The following AFF2 variants were observed in gnomAD, a reference collection of about 807,000 sequenced individuals.
AFF2 encodes AF4/FMR2 family member 2.
Under a neutral mutation model 76.9 loss-of-function variants are expected in AFF2, and 14 were observed. The ratio of observed to expected loss-of-function variants is 0.18; its 90% confidence interval spans 0.12 to 0.28. The LOEUF (loss-of-function observed/expected upper bound fraction) is 0.28, where lower values mean the gene tolerates loss of function less well. Among genes scored for constraint, AFF2 ranks in the 10% least tolerant of loss-of-function variants. AFF2 has a pLI of 1.00. For missense variants in AFF2, 868 were observed against 1,001.1 expected, an observed-to-expected ratio of 0.87 and a Z score of 1.79; for synonymous variants, 398 against 366.7, an observed-to-expected ratio of 1.09 and a Z score of -0.98.
At chrX:148,684,393 C>T (rs1253922374) in intron 3 of AFF2, among the ~76,000 whole-genome samples, 4 of 112,245 alleles carry the variant, frequency 3.6e-5, no homozygotes, top group Admixed American at 9.5e-5. Flanking sequence ...TTTGTACCTT[C>T]AGCTTCAAAT....
At chrX:148,970,414 T>C (rs1196693547) in intron 15 of AFF2, among the ~76,000 whole-genome samples, 1 of 112,375 alleles carries the variant, frequency 8.9e-6, no homozygotes, top group Non-Finnish European at 1.9e-5. Flanking sequence ...GAAAATATTT[T>C]GATAAAAGGT....
chrX:148,628,249 G>A (rs1476991854), intron 1 of AFF2, among the ~76,000 whole-genome samples: 1 of 110,156 alleles, frequency 9.1e-6, no homozygotes, highest in Non-Finnish European at 1.9e-5. Context: ...GGTTAAAATG[G>A]CAAATTTTCT....
intron 3 of AFF2, among the ~76,000 whole-genome samples, chrX:148,795,451 C>T (rs2069955115): frequency 9.1e-6 from 1 of 109,622 alleles, no homozygotes; most frequent in Non-Finnish European, 1.9e-5. Context: ...CTTTCCTTTT[C>T]AGCATAGATT....
At chrX:148,670,730 T>A in intron 3 of AFF2, among the ~76,000 whole-genome samples, 1 of 112,056 alleles carries the variant, frequency 8.9e-6, no homozygotes, top group East Asian at 2.8e-4. Context: ...GTTCTCTACT[T>A]CCCTACAAGA....
intron 1 of AFF2, among the ~76,000 whole-genome samples, chrX:148,568,337 C>T (rs2053191543): frequency 9.0e-6 from 1 of 111,641 alleles, no homozygotes; most frequent in Admixed American, 9.5e-5. Context: ...TGTCTACTTC[C>T]ATAAAATCTT....
chrX:148,684,461 T>G (rs2054580921), intron 3 of AFF2, among the ~76,000 whole-genome samples: 1 of 112,285 alleles, frequency 8.9e-6, no homozygotes, highest in Non-Finnish European at 1.9e-5. Context: ...GAAAATGTGA[T>G]ACATTTCTTC....
chrX:148,658,411 T>C (rs1301574931), intron 2 of AFF2, among the ~76,000 whole-genome samples: 1 of 111,794 alleles, frequency 8.9e-6, no homozygotes, highest in Non-Finnish European at 1.9e-5. Flanking sequence ...GGAGATGACA[T>C]CCCTCTATTT....
In AFF2 at chrX:148,602,902, G is replaced by C. The variant is rs538824247; in HGVS notation, c.48-49097G>C. On this transcript the variant is annotated intron_variant, in intron 1 of 20. Transcript: ENST00000370460. Reference sequence around the variant, plus strand: ...GCACAGTGCATCATAAATAATAAATGCTTAGTAGATAATTACAAAGGAGTC... The same window carrying C: ...GCACAGTGCATCATAAATAATAAATCCTTAGTAGATAATTACAAAGGAGTC... Among the ~76,000 whole-genome samples, 104 of 109,903 alleles carry C rather than the reference G, an allele frequency of 9.5e-4. 1 individual carries two copies. The highest frequency in any genetic ancestry group is 1.2e-3 in the Non-Finnish European group (65 of 52,681).
At chrX:148,780,203 G>T (rs1285551074) in intron 3 of AFF2, among the ~76,000 whole-genome samples, 2 of 111,619 alleles carry the variant, frequency 1.8e-5, no homozygotes, top group African/African-American at 6.5e-5. Flanking sequence ...TTCAACCTTG[G>T]TGAATCTGAT....
At chrX:148,585,859 AAAAAG>A (rs1205264146) in intron 1 of AFF2, among the ~76,000 whole-genome samples, 2 of 32,113 alleles carry the variant, frequency 6.2e-5, no homozygotes, top group Non-Finnish European at 1.5e-4. Context: ...AAAAAAAAAG[AAAAAG>A]AAAAGACTGA....
intron 13 of AFF2, 33 bp from the exon 14 acceptor site, chrX:148,966,757 C>T (rs145031526): frequency 1.7e-6 from 2 of 1,201,479 alleles, no homozygotes; most frequent in East Asian, 6.0e-5. Context: ...AAAGCTGGAC[C>T]TAATGGAAAC....
intron 3 of AFF2, among the ~76,000 whole-genome samples, chrX:148,765,065 A>T (rs2069496566): frequency 9.0e-6 from 1 of 110,783 alleles, no homozygotes; most frequent in Non-Finnish European, 1.9e-5. Context: ...TTATTTATAG[A>T]GATGGGCTTT....
chrX:148,977,868 A>G (rs2072345931), intron 16 of AFF2, 65 bp from the exon 17 acceptor site: 4 of 808,868 alleles, frequency 4.9e-6, no homozygotes, highest in Middle Eastern at 2.8e-4. Flanking sequence ...TCAGAATACC[A>G]GTGACTTTAG....
chrX:148,526,131 G>A (rs2052655630), intron 1 of AFF2, among the ~76,000 whole-genome samples: 2 of 111,550 alleles, frequency 1.8e-5, no homozygotes, highest in Non-Finnish European at 3.8e-5. Flanking sequence ...AAAAAACTTG[G>A]CACTCCACTA....
chrX:148,852,725 C>T (rs1557275513), intron 7 of AFF2, among the ~76,000 whole-genome samples: 1 of 111,556 alleles, frequency 9.0e-6, no homozygotes, highest in African/African-American at 3.3e-5. Context: ...ACAGCAACCT[C>T]GTGAGATAGA....
In AFF2 at chrX:148,997,018, T is replaced by G. The variant is rs782106038; in HGVS notation, c.*5686T>G. Reference sequence around the variant, plus strand: ...TTTATGTGACGTGGAAACTCAGTAATTCTCCCACCTTCACATTGTTGTTCA... The same window carrying G: ...TTTATGTGACGTGGAAACTCAGTAAGTCTCCCACCTTCACATTGTTGTTCA... On this transcript the variant is annotated 3_prime_UTR_variant, in exon 21 of 21. Transcript: ENST00000370460. 34 of 111,971 alleles carry G rather than the reference T, an allele frequency of 3.0e-4. No homozygotes were observed. The highest frequency in any genetic ancestry group is 5.6e-4 in the Non-Finnish European group (30 of 53,154). 9.2% of individuals were successfully genotyped at this position (111,971 alleles called of 1,213,427 possible).
At chrX:148,769,782 C>G (rs782373973) in intron 3 of AFF2, among the ~76,000 whole-genome samples, 1 of 111,361 alleles carries the variant, frequency 9.0e-6, no homozygotes, top group African/African-American at 3.3e-5. Flanking sequence ...TTCTCCTTAA[C>G]TTGATATTAT....
At chrX:148,543,239 C>A (rs927204644) in intron 1 of AFF2, among the ~76,000 whole-genome samples, 6 of 111,831 alleles carry the variant, frequency 5.4e-5, no homozygotes, top group African/African-American at 2.0e-4. Context: ...CCAGGGAATG[C>A]ATATGCACAA....
chrX:148,502,172 C>G (rs1452603899), intron 1 of AFF2, among the ~76,000 whole-genome samples: 8 of 112,189 alleles, frequency 7.1e-5, no homozygotes, highest in Admixed American at 1.9e-4. Flanking sequence ...GGGGAGGGGG[C>G]GCAGTGGTAA....
Sources: allele counts gnomAD v4.1 joint callset (sites outside exome capture counted in the v4.1 genomes callset), GRCh38; gene constraint gnomAD v4.1.1; transcripts MANE v1.5; gene names NCBI Gene and HGNC (gene_info 2026-07-23, HGNC 2026-07-21).